The following LPGAT1 variants were observed in gnomAD, a reference collection of about 807,000 sequenced individuals.
LPGAT1 encodes the protein lysophosphatidylglycerol acyltransferase 1.
A neutral mutation model predicts 47.5 loss-of-function variants in LPGAT1; 11 were observed. That is an observed-to-expected ratio of 0.23 (90% confidence interval 0.15 to 0.38). The LOEUF (loss-of-function observed/expected upper bound fraction) is 0.38, where lower values mean the gene tolerates loss of function less well. Among genes scored for constraint, LPGAT1 ranks in the 10% least tolerant of loss-of-function variants. LPGAT1 has a pLI of 1.00. For missense variants in LPGAT1, 293 were observed against 439.0 expected (o/e 0.67, Z 2.97); for synonymous variants, 138 against 144.2 (o/e 0.96, Z 0.31).
rs1205192349 is a variant in LPGAT1 at position 211,749,712 on chromosome 1, T to A, written c.*187A>T. On this transcript the variant is annotated 3_prime_UTR_variant, in exon 8 of 8. Transcript: ENST00000366997. ...CATGTTCTTAAAATATATTAGCAGG[T>A]CATTATATTACTAATCCTCATTTTA... 1.7e-6 allele frequency: 1 copy of A among 590,116 alleles called. No individual in the cohort carries two copies. Among genetic ancestry groups the A allele is most frequent in the African/African-American group, 1.9e-5 (1 of 52,372 alleles). 36.6% of individuals were successfully genotyped at this position (590,116 alleles called of 1,614,324 possible).
intron 2 of LPGAT1, among the ~76,000 whole-genome samples, chr1:211,821,667 A>G (rs1660372947): frequency 6.6e-6 from 1 of 152,194 alleles, no homozygotes; most frequent in African/African-American, 2.4e-5. Context: ...TATTTTAAAT[A>G]AATATTACTG....
chr1:211,829,596 G>A, intron 1 of LPGAT1: 5 of 1,234,168 alleles, frequency 4.1e-6, no homozygotes, highest in African/African-American at 1.5e-5. Context: ...TCAGTAATCG[G>A]TGGCCGTCCC....
chr1:211,796,442 G>C (rs1249030785), intron 2 of LPGAT1, among the ~76,000 whole-genome samples: 2 of 152,160 alleles, frequency 1.3e-5, no homozygotes, highest in Non-Finnish European at 2.9e-5. Context: ...CAAGCTGAGG[G>C]ACACCAAGGA....
At chr1:211,787,833 A>G (rs1358110106) in intron 3 of LPGAT1, 106 bp from the exon 4 acceptor site, 2 of 632,442 alleles carry the variant, frequency 3.2e-6, no homozygotes, top group Non-Finnish European at 5.5e-6. Flanking sequence ...ACTTTTAATT[A>G]ACCAAAATAT....
At chr1:211,814,422 A>T (rs946462393) in intron 2 of LPGAT1, among the ~76,000 whole-genome samples, 1 of 152,222 alleles carries the variant, frequency 6.6e-6, no homozygotes, top group African/African-American at 2.4e-5. Context: ...TGAGAAAATG[A>T]GGAGGGGTTG....
At chr1:211,798,922 C>G (rs1040223271) in intron 2 of LPGAT1, among the ~76,000 whole-genome samples, 1 of 152,060 alleles carries the variant, frequency 6.6e-6, no homozygotes, top group African/African-American at 2.4e-5. Flanking sequence ...TGCAAACAAA[C>G]AGCTGACTAC....
chr1:211,816,013 C>T (rs1442779106), intron 2 of LPGAT1, among the ~76,000 whole-genome samples: 3 of 152,026 alleles, frequency 2.0e-5, no homozygotes, highest in Non-Finnish European at 2.9e-5. Context: ...AATCTCTTGA[C>T]ATTGTGATCC....
intron 6 of LPGAT1, among the ~76,000 whole-genome samples, chr1:211,760,332 G>A (rs1657641659): frequency 1.3e-5 from 2 of 152,180 alleles, no homozygotes; most frequent in South Asian, 2.1e-4. Flanking sequence ...GCACATGCCT[G>A]TAGTCCCAGC....
chr1:211,797,311 C>CTTTTTT (rs200601647), intron 2 of LPGAT1, among the ~76,000 whole-genome samples: 30 of 122,600 alleles, frequency 2.4e-4, no homozygotes, highest in Non-Finnish European at 3.7e-4. Context: ...CTTTCCTTTT[C>CTTTTTT]TTTTTTTTTT....
intron 4 of LPGAT1, among the ~76,000 whole-genome samples, chr1:211,785,493 G>A (rs893487483): frequency 2.0e-5 from 3 of 151,784 alleles, no homozygotes; most frequent in East Asian, 1.9e-4. Context: ...CAGAAACTTC[G>A]AAATATAATC....
At chr1:211,751,712 CCTT>C (rs1657194040) in intron 6 of LPGAT1, among the ~76,000 whole-genome samples, 1 of 152,046 alleles carries the variant, frequency 6.6e-6, no homozygotes, top group Admixed American at 6.5e-5. Flanking sequence ...TATTTGCTGA[CCTT>C]GAAAAATAGT....
At chr1:211,829,869 C>CTT (rs5780661) in intron 1 of LPGAT1, 963 of 907,808 alleles carry the variant, frequency 1.1e-3, no homozygotes, top group East Asian at 4.4e-3. Flanking sequence ...TTTTGTTTCC[C>CTT]TTTTTTTTTT....
chr1:211,803,876 A>G (rs1187003440), intron 2 of LPGAT1, among the ~76,000 whole-genome samples: 1 of 147,668 alleles, frequency 6.8e-6, no homozygotes. Context: ...TTCTCCTACC[A>G]CAGTCTCAAG....
intron 6 of LPGAT1, among the ~76,000 whole-genome samples, chr1:211,755,092 C>T (rs1240787182): frequency 7.0e-6 from 1 of 143,052 alleles, no homozygotes; most frequent in Non-Finnish European, 1.5e-5. Flanking sequence ...AATCCCAGCA[C>T]TTTGGGAGGC....
chr1:211,792,684 G>T (rs1370656911), intron 3 of LPGAT1, among the ~76,000 whole-genome samples: 1 of 144,550 alleles, frequency 6.9e-6, no homozygotes, highest in Non-Finnish European at 1.5e-5. Flanking sequence ...ATATTTCAAA[G>T]CACAGTAAGA....
At chr1:211,810,439 G>A (rs1054991543) in intron 2 of LPGAT1, among the ~76,000 whole-genome samples, 1 of 152,098 alleles carries the variant, frequency 6.6e-6, no homozygotes, top group Non-Finnish European at 1.5e-5. Flanking sequence ...GTATGCCCTG[G>A]AGTACAGATA....
intron 2 of LPGAT1, among the ~76,000 whole-genome samples, chr1:211,815,157 CAA>C (rs1272795607): frequency 6.6e-6 from 1 of 152,220 alleles, no homozygotes; most frequent in Non-Finnish European, 1.5e-5. Flanking sequence ...CTTTCTAGCT[CAA>C]GTTTCCCTTA....
In LPGAT1 at chr1:211,748,118, C is replaced by A. The variant is rs535949048; in HGVS notation, c.*1781G>T. 1 of 152,150 alleles carries A rather than the reference C, an allele frequency of 6.6e-6. No homozygotes were observed. The highest frequency in any genetic ancestry group is 1.5e-5 in the Non-Finnish European group (1 of 67,900). The allele number at this position is 152,150 out of a possible 1,614,324, so 9.4% of individuals were successfully genotyped here. On this transcript the variant is annotated 3_prime_UTR_variant, in exon 8 of 8. Coordinates refer to ENST00000366997, the MANE Select transcript of LPGAT1 (RefSeq NM_014873.3). ...TTTATTTAAAAATAGAAAACAGCAA[C>A]CTTTTTTTGTTTTATAGCCTACTTC...
intron 2 of LPGAT1, among the ~76,000 whole-genome samples, chr1:211,816,644 T>G (rs1464292760): frequency 6.6e-6 from 1 of 152,170 alleles, no homozygotes; most frequent in East Asian, 1.9e-4. Context: ...GCTAACATAA[T>G]TATTTTCCTA....
Sources: gnomAD v4.1 joint callset for allele counts (sites outside exome capture counted in the v4.1 genomes callset) on GRCh38, gnomAD v4.1.1 for gene constraint, MANE v1.5 for transcripts, NCBI Gene and HGNC (gene_info 2026-07-23, HGNC 2026-07-21) for gene names.